AMPH: variants seen among roughly 807,000 people sequenced by gnomAD.
The protein encoded by AMPH is amphiphysin, also known as amphiphysin (Stiff-Mann syndrome with breast cancer 128kD autoantigen).
AMPH carries 49 observed loss-of-function variants against 99.1 expected under a neutral mutation model. That is an observed-to-expected ratio of 0.49 (90% confidence interval 0.39 to 0.63). The LOEUF (loss-of-function observed/expected upper bound fraction) is 0.63, where lower values mean the gene tolerates loss of function less well. AMPH is among the 20% of genes least tolerant of loss of function. The pLI is 0.00. For missense variants in AMPH, 759 were observed against 863.4 expected, an observed-to-expected ratio of 0.88 and a Z score of 1.52; for synonymous variants, 314 against 317.3, an observed-to-expected ratio of 0.99 and a Z score of 0.11.
intron 2 of AMPH, among the ~76,000 whole-genome samples, chr7:38,520,585 C>A (rs1789920653): frequency 6.6e-6 from 1 of 152,086 alleles, no homozygotes; most frequent in Non-Finnish European, 1.5e-5. Context: ...AACATAGATA[C>A]ACAGCTAAAT....
chr7:38,389,949 T>A, intron 19 of AMPH, 44 bp from the exon 20 acceptor site: 4 of 1,442,032 alleles, frequency 2.8e-6, no homozygotes, highest in Middle Eastern at 1.7e-4. Flanking sequence ...CCCAGCCAGA[T>A]TTCAAGCAGA....
At chr7:38,539,681 C>G (rs1161279256) in intron 1 of AMPH, among the ~76,000 whole-genome samples, 1 of 152,132 alleles carries the variant, frequency 6.6e-6, no homozygotes, top group Non-Finnish European at 1.5e-5. Context: ...GGGGTGAGGT[C>G]ACGGGAAAGG....
intron 15 of AMPH, among the ~76,000 whole-genome samples, chr7:38,423,303 T>C (rs1234654076): frequency 6.6e-6 from 1 of 152,190 alleles, no homozygotes; most frequent in Non-Finnish European, 1.5e-5. Context: ...AAGTAATCTC[T>C]AAAGGAAACT....
In AMPH at chr7:38,394,268, G is replaced by A. The variant is rs1017716285; in HGVS notation, c.1399-54C>T. ...CTGCATCTCCATGGGCCTCTGCCAG[G>A]AGTCAAACTCAAGCCTATTTCTAAT... On this transcript the variant is annotated intron_variant, in intron 17 of 20. Coordinates refer to ENST00000356264, the MANE Select transcript of AMPH (RefSeq NM_001635.4). The A allele has an allele frequency of 5.7e-6, 9 of 1,582,882 alleles. No individual in the cohort carries two copies. The African/African-American group carries it at 9.4e-5, about 17-fold the overall frequency.
At chr7:38,629,563 T>C (rs1299755771) in intron 1 of AMPH, among the ~76,000 whole-genome samples, 1 of 152,228 alleles carries the variant, frequency 6.6e-6, no homozygotes, top group East Asian at 1.9e-4. Flanking sequence ...TCATTTATTT[T>C]GAGCATATTA....
intron 1 of AMPH, among the ~76,000 whole-genome samples, chr7:38,576,417 C>G (rs1792247178): frequency 6.6e-6 from 1 of 152,204 alleles, no homozygotes; most frequent in Middle Eastern, 3.4e-3. Context: ...TAAACTATGG[C>G]AATTTTCATT....
chr7:38,581,076 G>A (rs1792437417), intron 1 of AMPH, among the ~76,000 whole-genome samples: 1 of 148,384 alleles, frequency 6.7e-6, no homozygotes, highest in African/African-American at 2.5e-5. Context: ...TAGGTGCCAG[G>A]CACACTCAAG....
chr7:38,515,198 T>C (rs896198578), intron 2 of AMPH, among the ~76,000 whole-genome samples: 1 of 152,202 alleles, frequency 6.6e-6, no homozygotes, highest in Non-Finnish European at 1.5e-5. Context: ...GTTGTGTCCA[T>C]GCCCAGCGGA....
intron 1 of AMPH, among the ~76,000 whole-genome samples, chr7:38,588,164 G>T (rs1049598024): frequency 3.9e-5 from 6 of 151,990 alleles, no homozygotes; most frequent in African/African-American, 9.7e-5. Context: ...ATGTTGTCCA[G>T]GCTGGTCTCA....
chr7:38,610,996 C>A (rs1466447818), intron 1 of AMPH, among the ~76,000 whole-genome samples: 2 of 152,144 alleles, frequency 1.3e-5, no homozygotes, highest in Non-Finnish European at 2.9e-5. Flanking sequence ...AAAACAGAAT[C>A]TTGAAAAGCT....
chr7:38,578,817 T>C (rs1326955680), intron 1 of AMPH, among the ~76,000 whole-genome samples: 7 of 152,142 alleles, frequency 4.6e-5, no homozygotes, highest in Admixed American at 6.5e-5. Context: ...ACTCATCACA[T>C]GTCAATATAA....
intron 1 of AMPH, among the ~76,000 whole-genome samples, chr7:38,588,826 T>C (rs1792756630): frequency 6.6e-6 from 1 of 152,174 alleles, no homozygotes; most frequent in East Asian, 1.9e-4. Flanking sequence ...CTTGTAATAC[T>C]AACTTGAATA....
intron 1 of AMPH, among the ~76,000 whole-genome samples, chr7:38,617,757 A>G (rs1793926232): frequency 6.6e-6 from 1 of 152,208 alleles, no homozygotes; most frequent in Admixed American, 6.5e-5. Context: ...AAAACCTGAT[A>G]AAAGTTACAG....
intron 1 of AMPH, among the ~76,000 whole-genome samples, chr7:38,603,774 T>G (rs1256040278): frequency 1.3e-5 from 2 of 152,168 alleles, no homozygotes; most frequent in East Asian, 3.9e-4. Flanking sequence ...AGTCTGGTCA[T>G]TTATGTGACA....
chr7:38,432,570 A>C (rs1234032909), intron 12 of AMPH, among the ~76,000 whole-genome samples: 1 of 147,764 alleles, frequency 6.8e-6, no homozygotes, highest in Non-Finnish European at 1.5e-5. Flanking sequence ...TTTGAAACAC[A>C]AATGAGGTTA....
At chr7:38,522,425 C>G (rs752805664) in intron 2 of AMPH, among the ~76,000 whole-genome samples, 3 of 152,100 alleles carry the variant, frequency 2.0e-5, no homozygotes, top group African/African-American at 4.8e-5. Flanking sequence ...TTTAAACAAG[C>G]GGGATACTTC....
chr7:38,551,935 T>A (rs749666010), intron 1 of AMPH, among the ~76,000 whole-genome samples: 1 of 152,212 alleles, frequency 6.6e-6, no homozygotes, highest in Admixed American at 6.5e-5. Flanking sequence ...TAATTTAGAA[T>A]ATGGAGTGGA....
chr7:38,610,384 A>T (rs1319277534), intron 1 of AMPH, among the ~76,000 whole-genome samples: 1 of 125,832 alleles, frequency 7.9e-6, no homozygotes, highest in African/African-American at 3.2e-5. Flanking sequence ...AAAGGAAAGG[A>T]AAAGAAAAGA....
At position 38,574,137 on chromosome 7, in the gene AMPH, C is replaced by T. The variant is rs1792146989; in HGVS notation, c.70-39126G>A. Among the ~76,000 whole-genome samples, 4 of 152,230 alleles carry T rather than the reference C, an allele frequency of 2.6e-5. No homozygotes were observed. In the South Asian group the frequency reaches 8.3e-4, roughly 32 times the overall value. ...CTGAACAGTCAGCTAACAACCCTAG[C>T]AACATTACTGAATCATCTTGATTTC... On this transcript the variant is annotated intron_variant, in intron 1 of 20. Transcript: ENST00000356264.
Sources: gnomAD v4.1 joint callset for allele counts (sites outside exome capture counted in the v4.1 genomes callset) on GRCh38, gnomAD v4.1.1 for gene constraint, MANE v1.5 for transcripts, NCBI Gene and HGNC (gene_info 2026-07-23, HGNC 2026-07-21) for gene names.